Variants in SMAP1 observed in about 807,000 individuals in gnomAD.
SMAP1 encodes small ArfGAP 1, also known as stromal membrane-associated protein 1.
In SMAP1, 24 loss-of-function variants were observed where a neutral mutation model predicts 58.5. That is an observed-to-expected ratio of 0.41 (90% CI 0.30 to 0.58). The LOEUF is 0.58. Among genes scored for constraint, SMAP1 ranks in the 20% least tolerant of loss-of-function variants. The probability of loss-of-function intolerance (pLI) is 0.29; values close to 1 mark genes in which losing one functional copy is unlikely to be tolerated. For synonymous variants in SMAP1, 216 were observed against 196.6 expected (o/e 1.10, Z -0.82); for missense variants, 563 against 566.3 (o/e 0.99, Z 0.06).
At chr6:70,859,365 A>G (rs1344198859) in intron 10 of SMAP1, 2 of 1,549,580 alleles carry the variant, frequency 1.3e-6, no homozygotes, top group South Asian at 1.2e-5. Flanking sequence ...CCAGCACTCC[A>G]TCAGTGCAAT....
intron 1 of SMAP1, among the ~76,000 whole-genome samples, chr6:70,731,399 C>T (rs1321907670): frequency 6.6e-6 from 1 of 152,148 alleles, no homozygotes; most frequent in Admixed American, 6.5e-5. Flanking sequence ...TGACCATGAA[C>T]TGAAGAACTA....
At chr6:70,824,313 CTAT>C (rs950296552) in intron 6 of SMAP1, among the ~76,000 whole-genome samples, 3 of 151,946 alleles carry the variant, frequency 2.0e-5, no homozygotes, top group Admixed American at 6.6e-5. Context: ...AGTATGATAG[CTAT>C]TATTATTATT....
At chr6:70,699,047 C>G (rs1239626989) in intron 1 of SMAP1, among the ~76,000 whole-genome samples, 1 of 152,144 alleles carries the variant, frequency 6.6e-6, no homozygotes, top group East Asian at 1.9e-4. Flanking sequence ...GAAGGCTGTC[C>G]AAGTATGCAA....
At chr6:70,782,079 A>G (rs557467696) in intron 4 of SMAP1, among the ~76,000 whole-genome samples, 4 of 152,338 alleles carry the variant, frequency 2.6e-5, no homozygotes, top group South Asian at 2.1e-4. Context: ...TCGGAAGGAC[A>G]TTTAAGTATG....
At chr6:70,824,759 A>G (rs1342657695) in intron 6 of SMAP1, among the ~76,000 whole-genome samples, 2 of 152,174 alleles carry the variant, frequency 1.3e-5, no homozygotes, top group Non-Finnish European at 2.9e-5. Flanking sequence ...CATATTTTCT[A>G]TCAACTCTAC....
At position 70,861,991 on chromosome 6, in the gene SMAP1, TAA is replaced by T. The variant is rs575008239; in HGVS notation, c.*1668_*1669del. 160 of 1,215,930 alleles carry T rather than the reference TAA, an allele frequency of 1.3e-4. No individual in the cohort carries two copies. Among genetic ancestry groups the T allele is most frequent in the Admixed American group, 2.5e-4 (10 of 39,320 alleles). 75.3% of individuals were successfully genotyped at this position (1,215,930 alleles called of 1,614,324 possible). ...CTTACAGCAAATCCTTTGTGAAAAATAAAAAAAAAAAAGAGACTTTAAAATCC... is the reference window on the plus strand; with the variant it reads ...CTTACAGCAAATCCTTTGTGAAAAATAAAAAAAAAAGAGACTTTAAAATCC... On this transcript the variant is annotated 3_prime_UTR_variant, in exon 11 of 11. Coordinates refer to ENST00000370455, the MANE Select transcript of SMAP1 (RefSeq NM_001044305.3).
chr6:70,729,211 G>A (rs1206615935), intron 1 of SMAP1, among the ~76,000 whole-genome samples: 6 of 151,992 alleles, frequency 3.9e-5, no homozygotes, highest in Non-Finnish European at 7.4e-5. Context: ...AGGCCGAGGC[G>A]GGCGGATCAC....
At chr6:70,745,278 G>A (rs1398551309) in intron 2 of SMAP1, among the ~76,000 whole-genome samples, 1 of 152,156 alleles carries the variant, frequency 6.6e-6, no homozygotes, top group East Asian at 1.9e-4. Flanking sequence ...TATTGCCTAC[G>A]TTTTCTTATA....
At chr6:70,809,206 A>T (rs886998425) in intron 6 of SMAP1, among the ~76,000 whole-genome samples, 1 of 152,160 alleles carries the variant, frequency 6.6e-6, no homozygotes, top group African/African-American at 2.4e-5. Flanking sequence ...TGCTTTTGAT[A>T]ATACATACTT....
chr6:70,834,143 C>A (rs1359068507), intron 6 of SMAP1, among the ~76,000 whole-genome samples: 1 of 152,104 alleles, frequency 6.6e-6, no homozygotes, highest in Admixed American at 6.5e-5. Context: ...CTTTCCTTTT[C>A]AAACTATGAC....
At chr6:70,793,620 G>T (rs1768462339) in intron 5 of SMAP1, among the ~76,000 whole-genome samples, 1 of 150,378 alleles carries the variant, frequency 6.6e-6, no homozygotes, top group South Asian at 2.1e-4. Context: ...AGGCCCATGG[G>T]AAAGAAAAGG....
chr6:70,851,585 G>A (rs1043352390), intron 7 of SMAP1, among the ~76,000 whole-genome samples: 1 of 152,136 alleles, frequency 6.6e-6, no homozygotes, highest in African/African-American at 2.4e-5. Context: ...TGTTAACTTG[G>A]TTGTGGTTAC....
intron 1 of SMAP1, among the ~76,000 whole-genome samples, chr6:70,709,503 T>G (rs1767968960): frequency 6.6e-6 from 1 of 152,012 alleles, no homozygotes; most frequent in Non-Finnish European, 1.5e-5. Context: ...ATTTTTAAAT[T>G]TTTTGTAGAG....
chr6:70,804,930 C>A (rs1562173822), intron 6 of SMAP1, among the ~76,000 whole-genome samples: 1 of 143,114 alleles, frequency 7.0e-6, no homozygotes, highest in African/African-American at 2.6e-5. Context: ...GTCCTTAACA[C>A]TTTTTTTTTT....
intron 1 of SMAP1, among the ~76,000 whole-genome samples, chr6:70,726,410 A>G (rs1283805536): frequency 6.6e-6 from 1 of 152,242 alleles, no homozygotes; most frequent in African/African-American, 2.4e-5. Flanking sequence ...TTTCTCAGAA[A>G]AGACAGATAA....
chr6:70,715,033 C>G (rs1562110152), intron 1 of SMAP1, among the ~76,000 whole-genome samples: 1 of 150,096 alleles, frequency 6.7e-6, no homozygotes, highest in Non-Finnish European at 1.5e-5. Context: ...AAAATCCTCT[C>G]TGTCTTTAAT....
chr6:70,844,046 ATT>A (rs1219798560), intron 7 of SMAP1, among the ~76,000 whole-genome samples: 1 of 152,176 alleles, frequency 6.6e-6, no homozygotes, highest in Non-Finnish European at 1.5e-5. Context: ...GGAAACAGTG[ATT>A]GCAAAGCATG....
chr6:70,740,287 C>T (rs551854354), intron 2 of SMAP1, among the ~76,000 whole-genome samples: 6 of 152,218 alleles, frequency 3.9e-5, no homozygotes, highest in African/African-American at 9.6e-5. Flanking sequence ...TGGCTGGAGG[C>T]GGTGGCTCAT....
At chr6:70,764,992 G>A (rs1766906616) in intron 3 of SMAP1, among the ~76,000 whole-genome samples, 1 of 152,088 alleles carries the variant, frequency 6.6e-6, no homozygotes, top group African/African-American at 2.4e-5. Context: ...TGTAGAGATG[G>A]AATTTTGCCA....
Sources: gnomAD v4.1 joint callset for allele counts (sites outside exome capture counted in the v4.1 genomes callset) on GRCh38, gnomAD v4.1.1 for gene constraint, MANE v1.5 for transcripts, NCBI Gene and HGNC (gene_info 2026-07-23, HGNC 2026-07-21) for gene names.